The following SOS2 variants were observed in gnomAD, a reference collection of about 807,000 sequenced individuals.
The protein encoded by SOS2 is son of sevenless homolog 2.
In SOS2, 65 loss-of-function variants were observed where a neutral mutation model predicts 148.2. The observed-to-expected ratio is 0.44, with a 90% CI of 0.36 to 0.54. The LOEUF (loss-of-function observed/expected upper bound fraction) is 0.54, where lower values mean the gene tolerates loss of function less well. Among genes scored for constraint, SOS2 ranks in the 20% least tolerant of loss-of-function variants. SOS2 has a pLI of 0.00. For missense variants in SOS2, 1,341 were observed against 1,590.2 expected (o/e 0.84, Z 2.67); for synonymous variants, 539 against 537.1 (o/e 1.00, Z -0.05).
At chr14:50,189,117 T>TGC (rs1195272864) in intron 4 of SOS2, among the ~76,000 whole-genome samples, 5 of 126,272 alleles carry the variant, frequency 4.0e-5, no homozygotes, top group Non-Finnish European at 5.2e-5. Context: ...ACACAAATAT[T>TGC]ACACAATGAG....
chr14:50,166,543 C>T (rs1281483747), intron 8 of SOS2, among the ~76,000 whole-genome samples: 1 of 152,100 alleles, frequency 6.6e-6, no homozygotes, highest in Non-Finnish European at 1.5e-5. Context: ...TGGGTAATAT[C>T]TTATGAACCT....
At chr14:50,135,060 C>G (rs143668902) in intron 18 of SOS2, among the ~76,000 whole-genome samples, 2 of 98,242 alleles carry the variant, frequency 2.0e-5, no homozygotes, top group Non-Finnish European at 3.7e-5. Context: ...GCAACAAGAG[C>G]GAGACTGTCT....
intron 8 of SOS2, among the ~76,000 whole-genome samples, chr14:50,167,741 G>A (rs1885211707): frequency 6.6e-6 from 1 of 151,402 alleles, no homozygotes; most frequent in Non-Finnish European, 1.5e-5. Context: ...GTGGTGGTGT[G>A]CACCTGTAAT....
chr14:50,168,673 T>C (rs774309367), intron 8 of SOS2, among the ~76,000 whole-genome samples: 12 of 152,208 alleles, frequency 7.9e-5, no homozygotes, highest in Admixed American at 5.9e-4. Context: ...TTCTATAGAA[T>C]GCCGTTTCGT....
chr14:50,124,374 T>C lies in SOS2; in HGVS notation c.3380-3990A>G, dbSNP rs559674319. 5.8e-4 allele frequency among the ~76,000 whole-genome samples: 89 copies of C among 152,308 alleles called. 3 individuals are homozygous for C. Among genetic ancestry groups the C allele is most frequent in the Admixed American group, 3.1e-3 (47 of 15,280 alleles). Reference sequence around the variant, plus strand: ...ATGAATCTTCATGCATGTAACTTTTTCCAAACATTTATTGGGTATTTTGTA... The same window carrying C: ...ATGAATCTTCATGCATGTAACTTTTCCCAAACATTTATTGGGTATTTTGTA... On this transcript the variant is annotated intron_variant, in intron 21 of 22. Transcript: ENST00000216373.
At chr14:50,183,314 A>C (rs989135591) in intron 5 of SOS2, among the ~76,000 whole-genome samples, 1 of 152,182 alleles carries the variant, frequency 6.6e-6, no homozygotes, top group African/African-American at 2.4e-5. Flanking sequence ...TAAAAGATGG[A>C]ATCATACTGT....
At chr14:50,170,567 T>C (rs1384679190) in intron 8 of SOS2, among the ~76,000 whole-genome samples, 1 of 151,820 alleles carries the variant, frequency 6.6e-6, no homozygotes, top group Admixed American at 6.6e-5. Context: ...ACATCCGTAG[T>C]CCTAGCTACG....
chr14:50,224,448 G>C (rs768160689), intron 1 of SOS2, among the ~76,000 whole-genome samples: 7 of 150,536 alleles, frequency 4.7e-5, no homozygotes, highest in Non-Finnish European at 5.9e-5. Flanking sequence ...AAACTAGAAG[G>C]AATATTCAGA....
chr14:50,210,046 G>C (rs899882339), intron 1 of SOS2, among the ~76,000 whole-genome samples: 68 of 152,274 alleles, frequency 4.5e-4, no homozygotes, highest in Non-Finnish European at 5.4e-4. Context: ...AGTGCAAAAA[G>C]CTAAGAAAAT....
intron 8 of SOS2, among the ~76,000 whole-genome samples, chr14:50,166,511 G>A (rs190878525): frequency 2.3e-4 from 35 of 152,262 alleles, no homozygotes. Context: ...TTACAAGCAT[G>A]ACCCACCGCG....
chr14:50,177,682 T>C (rs1885568411), intron 7 of SOS2, among the ~76,000 whole-genome samples: 1 of 152,220 alleles, frequency 6.6e-6, no homozygotes, highest in South Asian at 2.1e-4. Context: ...AATATTCCTC[T>C]CTTGAAGTAA....
intron 16 of SOS2, among the ~76,000 whole-genome samples, chr14:50,144,935 T>C (rs1281650229): frequency 2.0e-5 from 3 of 152,186 alleles, no homozygotes; most frequent in Non-Finnish European, 2.9e-5. Flanking sequence ...AAGTCTCATA[T>C]TGTTTATTGA....
At position 50,118,308 on chromosome 14, in the gene SOS2, T is replaced by G. The variant is rs1883363929; in HGVS notation, c.*36A>C. ...TAAATTAAAAAAAAAACTTTACAAA[T>G]ACCATTCCAGTGTCAATGACTACAT... On this transcript the variant is annotated 3_prime_UTR_variant, in exon 23 of 23. Transcript: ENST00000216373. 3 of 1,510,474 alleles carry G rather than the reference T, an allele frequency of 2.0e-6. No homozygotes were observed. The highest frequency in any genetic ancestry group is 2.8e-5 in the African/African-American group (2 of 71,418). 93.6% of individuals were successfully genotyped at this position (1,510,474 alleles called of 1,614,324 possible).
chr14:50,229,798 T>C (rs1051479951), intron 1 of SOS2, among the ~76,000 whole-genome samples: 24 of 152,206 alleles, frequency 1.6e-4, no homozygotes, highest in Admixed American at 6.5e-5. Context: ...TTGCCAACAA[T>C]ATAGGCCTAC....
At chr14:50,229,537 G>A (rs1475834974) in intron 1 of SOS2, among the ~76,000 whole-genome samples, 2 of 151,894 alleles carry the variant, frequency 1.3e-5, no homozygotes, top group African/African-American at 4.8e-5. Context: ...TCTGGTGCGA[G>A]GTGGTTTATG....
intron 21 of SOS2, among the ~76,000 whole-genome samples, chr14:50,127,946 T>C (rs1340903006): frequency 6.6e-6 from 1 of 152,212 alleles, no homozygotes; most frequent in Non-Finnish European, 1.5e-5. Context: ...TACATTCTAT[T>C]TCCAGCTAAA....
chr14:50,200,452 G>A (rs539610964), intron 3 of SOS2, among the ~76,000 whole-genome samples: 3 of 152,016 alleles, frequency 2.0e-5, no homozygotes, highest in Non-Finnish European at 1.5e-5. Flanking sequence ...ACTCACAGTA[G>A]CTTCTGAAAT....
At chr14:50,215,295 C>T (rs936467083) in intron 1 of SOS2, 3 of 902,936 alleles carry the variant, frequency 3.3e-6, no homozygotes, top group Middle Eastern at 5.3e-4. Context: ...CATCAAGCAT[C>T]AAAGTTTCTT....
chr14:50,203,011 T>C (rs956731857), intron 2 of SOS2, among the ~76,000 whole-genome samples: 1 of 151,434 alleles, frequency 6.6e-6, no homozygotes, highest in African/African-American at 2.4e-5. Context: ...AAATAAAAAT[T>C]AGCTGGGCGC....
Sources: gnomAD v4.1 joint callset for allele counts (sites outside exome capture counted in the v4.1 genomes callset) on GRCh38, gnomAD v4.1.1 for gene constraint, MANE v1.5 for transcripts, NCBI Gene and HGNC (gene_info 2026-07-23, HGNC 2026-07-21) for gene names.